The following BAIAP2L2 variants were observed in gnomAD, a reference collection of about 807,000 sequenced individuals.
BAIAP2L2 encodes the protein BAR/IMD domain-containing adapter protein 2-like 2.
Under a neutral mutation model 60.4 loss-of-function variants are expected in BAIAP2L2, and 65 were observed. That is an observed-to-expected ratio of 1.08 (90% CI 0.88 to 1.32). BAIAP2L2 has a LOEUF of 1.32. BAIAP2L2 is among the 40% of genes most tolerant of loss of function. BAIAP2L2 has a pLI of 0.00. For synonymous variants in BAIAP2L2, 344 were observed against 301.7 expected, an observed-to-expected ratio of 1.14 and a Z score of -1.45; for missense variants, 836 against 741.2, an observed-to-expected ratio of 1.13 and a Z score of -1.48.
At chr22:38,104,797 A>G (rs937469750) in intron 4 of BAIAP2L2, among the ~76,000 whole-genome samples, 2 of 151,860 alleles carry the variant, frequency 1.3e-5, no homozygotes, top group Admixed American at 1.3e-4. Context: ...CACCCAGCCA[A>G]AAATTTTTTT....
At chr22:38,101,546 CAAAAAA>C (rs71195082) in intron 4 of BAIAP2L2, among the ~76,000 whole-genome samples, 7 of 30,908 alleles carry the variant, frequency 2.3e-4, no homozygotes, top group East Asian at 1.0e-3. Context: ...GATCCTGTCT[CAAAAAA>C]AAAAAAAAAA....
At position 38,088,824 on chromosome 22, in the gene BAIAP2L2, C is replaced by G; in HGVS notation, c.1042G>C (p.Ala348Pro). 1 of 1,600,644 alleles carries G rather than the reference C, an allele frequency of 6.2e-7. No homozygotes were observed. The highest frequency in any genetic ancestry group is 8.5e-7 in the Non-Finnish European group (1 of 1,179,642). ...ACCAACACCTCCACCACGTCCCCAG[C>G]GGAGAAGCGCAGCAGCGTGTGGTTG... ...GANHTLLRFS[A>P]GDVVEVLVPE... Residue 348 changes from alanine (A) to proline (P), a missense_variant, in exon 10 of 14, where the codon GCT becomes CCT. Ala to Pro is a conservative substitution (Grantham distance 27). Coordinates refer to ENST00000381669, the MANE Select transcript of BAIAP2L2 (RefSeq NM_025045.6).
chr22:38,088,957 G>C lies in BAIAP2L2; in HGVS notation c.909C>G (p.Leu303=). ...SLPRTPSASS[L]YSGSAQSSRS... is the part of the protein sequence containing the mutation. ...GCGAGCTTTGGGCGCTGCCGCTGTA[G>C]AGCGAGGCTGTGGGCGGGAGAGCGC... The change falls in exon 10 of 14, where the codon CTC becomes CTG. Residue 303 remains leucine, a synonymous_variant. Coordinates refer to ENST00000381669, the MANE Select transcript of BAIAP2L2 (RefSeq NM_025045.6). 1 of 1,523,686 alleles carries C rather than the reference G, an allele frequency of 6.6e-7. No homozygotes were observed. Among genetic ancestry groups the C allele is most frequent in the Non-Finnish European group, 8.8e-7 (1 of 1,140,822 alleles). 94.4% of individuals were successfully genotyped at this position (1,523,686 alleles called of 1,614,324 possible). A position where few individuals can be genotyped will look rare whatever the true frequency, so the allele number is the denominator to read the frequency against.
At chr22:38,110,776 T>C (rs2086829867), upstream of BAIAP2L2, 2 of 519,988 alleles carry the variant, frequency 3.8e-6, no homozygotes, top group African/African-American at 4.0e-5. Context: ...GGCAGGCTCG[T>C]GTGACCTGCC....
At position 38,086,283 on chromosome 22, in the gene BAIAP2L2, G is replaced by A. The variant is rs994323717; in HGVS notation, c.1426C>T (p.Arg476Cys). ...PAPPPLPSSR[R>C]SSMGSTAVAT... The stretch of plus-strand genomic sequence containing the variant: ...ACTGCTGTGCTGCCCATGCTGCTGC[G>A]GCGGCTGCTGGGCAAGGGTGGAGGT... Residue 476 changes from arginine to cysteine, a missense_variant, in exon 12 of 14, where the codon CGC becomes TGC. Coordinates refer to ENST00000381669, the MANE Select transcript of BAIAP2L2 (RefSeq NM_025045.6). 1.0e-5 allele frequency: 16 copies of A among 1,590,552 alleles called. No homozygotes were observed. Among genetic ancestry groups the A allele is most frequent in the African/African-American group, 5.4e-5 (4 of 74,246 alleles).
intron 11 of BAIAP2L2, 107 bp from the exon 12 acceptor site, chr22:38,086,556 C>G (rs114293165): frequency 1.2e-6 from 1 of 816,174 alleles, no homozygotes; most frequent in South Asian, 1.9e-5. Flanking sequence ...ACAGCTTCCT[C>G]CCCGCACCTG....
intron 4 of BAIAP2L2, among the ~76,000 whole-genome samples, chr22:38,102,472 T>TCCA (rs2086586646): frequency 1.3e-5 from 2 of 152,130 alleles, no homozygotes; most frequent in Admixed American, 1.3e-4. Context: ...TTTTACAATT[T>TCCA]CAGGAAAAAA....
At chr22:38,099,538 G>GA (rs1178301686) in intron 4 of BAIAP2L2, among the ~76,000 whole-genome samples, 46 of 142,526 alleles carry the variant, frequency 3.2e-4, no homozygotes, top group Admixed American at 8.4e-4. Flanking sequence ...TGTCTCAAAA[G>GA]AAAAAAAAAA....
chr22:38,098,270 A>C (rs1268985040), intron 5 of BAIAP2L2, 91 bp from the exon 6 acceptor site: 1 of 1,500,268 alleles, frequency 6.7e-7, no homozygotes, highest in East Asian at 2.3e-5. Flanking sequence ...GGAAGTTTGG[A>C]GACTTGGGGC....
chr22:38,088,159 C>T (rs1292277928), intron 10 of BAIAP2L2, among the ~76,000 whole-genome samples: 1 of 152,248 alleles, frequency 6.6e-6, no homozygotes, highest in Non-Finnish European at 1.5e-5. Flanking sequence ...CAGCCAGCCC[C>T]ATCTGCCCCG....
At chr22:38,087,923 C>T (rs944794797) in intron 10 of BAIAP2L2, among the ~76,000 whole-genome samples, 2 of 140,168 alleles carry the variant, frequency 1.4e-5, no homozygotes, top group African/African-American at 5.3e-5. Flanking sequence ...CATCCACTTG[C>T]ACACACAGAC....
At chr22:38,095,007 C>T (rs1050600946) in intron 7 of BAIAP2L2, among the ~76,000 whole-genome samples, 19 of 152,226 alleles carry the variant, frequency 1.2e-4, no homozygotes, top group Non-Finnish European at 2.4e-4. Flanking sequence ...CAAAAATTAG[C>T]TGGGCATGGT....
intron 10 of BAIAP2L2, among the ~76,000 whole-genome samples, chr22:38,087,775 G>A (rs752761015): frequency 2.1e-5 from 3 of 139,780 alleles, no homozygotes; most frequent in Non-Finnish European, 4.6e-5. Flanking sequence ...TCCATCCCCC[G>A]TGTAGCCACG....
rs529528939 is a variant in BAIAP2L2, at chr22:38,097,663, G to A, written c.465+400C>T. 1.1e-3 allele frequency among the ~76,000 whole-genome samples: 161 copies of A among 152,240 alleles called. 1 individual carries two copies. The highest frequency in any genetic ancestry group is 3.5e-3 in the African/African-American group (146 of 41,542). On this transcript the variant is annotated intron_variant, in intron 6 of 13. Coordinates refer to ENST00000381669, the MANE Select transcript of BAIAP2L2 (RefSeq NM_025045.6). Reference sequence around the variant, plus strand: ...GGATGGGGCCCCAGGCTCAGGAAGGGGAATGGCCCTAGCCGGGGGCGGGAT... The same window carrying A: ...GGATGGGGCCCCAGGCTCAGGAAGGAGAATGGCCCTAGCCGGGGGCGGGAT...
intron 7 of BAIAP2L2, among the ~76,000 whole-genome samples, chr22:38,096,233 G>T (rs867552326): frequency 2.0e-5 from 3 of 152,138 alleles, no homozygotes; most frequent in Non-Finnish European, 4.4e-5. Flanking sequence ...AATAGTTATA[G>T]CCAAAAAACG....
chr22:38,086,664 G>A (rs1223277106), intron 11 of BAIAP2L2, among the ~76,000 whole-genome samples: 3 of 152,138 alleles, frequency 2.0e-5, no homozygotes, highest in Non-Finnish European at 1.5e-5. Context: ...AGGGCCGGTG[G>A]TTCTCCAGGG....
At position 38,085,692 on chromosome 22, in the gene BAIAP2L2, A is replaced by C. The variant is rs757314105; in HGVS notation, c.1508T>G (p.Phe503Cys). The C allele has an allele frequency of 1.9e-6, 3 of 1,613,036 alleles. No individual in the cohort carries two copies. The highest frequency in any genetic ancestry group is 2.5e-6 in the Non-Finnish European group (3 of 1,179,742). Residue 503 changes from phenylalanine (F) to cysteine (C), a missense_variant, in exon 13 of 14, where the codon TTC becomes TGC. Coordinates refer to ENST00000381669, the MANE Select transcript of BAIAP2L2 (RefSeq NM_025045.6). ...CCCCCATGTGAGGACTCACCTCGGG[A>C]AGAGCTCCTGTGGTGGGTACTGCTC... is the stretch of plus-strand genomic sequence containing the variant. The part of the protein sequence containing the change: ...SSEQYPPQEL[F>C]PRGTNPFATV...
At chr22:38,090,099 ATTTTTTTTTTTTTTTTT>A (rs749685662) in intron 7 of BAIAP2L2, 1 of 75,878 alleles carries the variant, frequency 1.3e-5, no homozygotes, top group East Asian at 3.9e-4. Flanking sequence ...TGGAAAATGC[ATTTTTTTTTTTTTTTTT>A]TTTTTTTTTT....
chr22:38,089,371 A>AAG, intron 8 of BAIAP2L2, 140 bp from the exon 9 acceptor site: 6 of 554,598 alleles, frequency 1.1e-5, no homozygotes, highest in Non-Finnish European at 1.6e-5. Flanking sequence ...GGGGGCGCGG[A>AAG]GAACGCGCCG....
Sources: allele counts gnomAD v4.1 joint callset (sites outside exome capture counted in the v4.1 genomes callset), GRCh38; gene constraint gnomAD v4.1.1; transcripts MANE v1.5; gene names NCBI Gene and HGNC (gene_info 2026-07-23, HGNC 2026-07-21).